The following UNC13B variants were observed in gnomAD, a reference collection of about 807,000 sequenced individuals.
UNC13B encodes the protein protein unc-13 homolog B.
UNC13B carries 144 observed loss-of-function variants against 211.0 expected under a neutral mutation model. That is an observed-to-expected ratio of 0.68 (90% CI 0.60 to 0.78). UNC13B has a LOEUF of 0.78. Ranked by LOEUF, UNC13B falls within the 30% of genes least tolerant of loss-of-function variation. The pLI, the probability that UNC13B is intolerant of heterozygous loss-of-function variation, is 0.00. For missense variants in UNC13B, 1,777 were observed against 2,002.0 expected (o/e 0.89, Z 2.14); for synonymous variants, 709 against 725.8 (o/e 0.98, Z 0.37).
chr9:35,200,946 C>T (rs1823247924), intron 1 of UNC13B, among the ~76,000 whole-genome samples: 2 of 152,160 alleles, frequency 1.3e-5, no homozygotes, highest in African/African-American at 4.8e-5. Context: ...AGTTTTTGCC[C>T]ATTCAGTATG....
chr9:35,256,443 G>A (rs988179166), intron 6 of UNC13B, among the ~76,000 whole-genome samples: 17 of 152,068 alleles, frequency 1.1e-4, no homozygotes, highest in African/African-American at 3.9e-4. Context: ...TGCTTTATAA[G>A]TTTTAAAGTA....
chr9:35,259,008 G>A lies in UNC13B; in HGVS notation c.484G>A (p.Glu162Lys). 6.2e-7 allele frequency: 1 copy of A among 1,613,764 alleles called. No individual in the cohort carries two copies. Among genetic ancestry groups the A allele is most frequent in the Non-Finnish European group, 8.5e-7 (1 of 1,179,880 alleles). Residue 162 changes from glutamate to lysine, a missense_variant, in exon 7 of 40, where the codon GAA becomes AAA. Glu to Lys is a moderately conservative substitution (Grantham distance 56). Coordinates refer to ENST00000635942, the MANE Select transcript of UNC13B (RefSeq NM_001371189.2). ...GADNEYSSQE[E>K]SQRKPLPTAA... ...CTGCTTCTAGTATTCTAGTCAAGAA[G>A]AAAGCCAGAGGAAGCCATTGCCCAC...
At chr9:35,371,319 ATCT>A (rs1156787088) in intron 13 of UNC13B, among the ~76,000 whole-genome samples, 1 of 144,652 alleles carries the variant, frequency 6.9e-6, no homozygotes, top group East Asian at 2.0e-4. Flanking sequence ...CCATTTGTTC[ATCT>A]TCTCCTTTCT....
At chr9:35,285,621 G>A (rs1828747360) in intron 7 of UNC13B, among the ~76,000 whole-genome samples, 1 of 152,106 alleles carries the variant, frequency 6.6e-6, no homozygotes, top group Admixed American at 6.5e-5. Context: ...GGAGGCTAGG[G>A]TAGGAGGATT....
Position 35,341,159 on chromosome 9 carries a change from T to G in UNC13B, c.9415-25788T>G, listed in dbSNP as rs374083318. Among the ~76,000 whole-genome samples the G allele has an allele frequency of 1.5e-4, 23 of 152,332 alleles. No homozygotes were observed. The East Asian group carries it at 4.2e-3, about 28-fold the overall frequency. On this transcript the variant is annotated intron_variant, in intron 11 of 39. Transcript: ENST00000635942. ...ATATCACTTTAGGTTACTTCGTTCC[T>G]AATTCTGGATTCTGAAACCATCTTT...
intron 6 of UNC13B, among the ~76,000 whole-genome samples, chr9:35,257,856 AC>A (rs1026409745): frequency 1.1e-4 from 17 of 152,106 alleles, no homozygotes; most frequent in African/African-American, 3.9e-4. Flanking sequence ...AACACCATCA[AC>A]TTTTGTCTGG....
chr9:35,222,732 A>G (rs1824631148), intron 1 of UNC13B, among the ~76,000 whole-genome samples: 1 of 152,234 alleles, frequency 6.6e-6, no homozygotes, highest in Non-Finnish European at 1.5e-5. Context: ...CTTTTCTTCT[A>G]GCTATTTTGA....
intron 22 of UNC13B, chr9:35,385,039 A>T (rs758879149): frequency 6.6e-5 from 65 of 985,330 alleles, no homozygotes; most frequent in Non-Finnish European, 7.5e-5. Flanking sequence ...TGGACAGCTG[A>T]CTGTATATCT....
intron 1 of UNC13B, among the ~76,000 whole-genome samples, chr9:35,198,462 T>G (rs2131366323): frequency 6.6e-6 from 1 of 152,364 alleles, no homozygotes; most frequent in South Asian, 2.1e-4. Context: ...AATTAAATAT[T>G]AAATCTCTTT....
At chr9:35,272,179 C>T (rs1207437835) in intron 7 of UNC13B, among the ~76,000 whole-genome samples, 3 of 148,154 alleles carry the variant, frequency 2.0e-5, no homozygotes, top group East Asian at 3.9e-4. Context: ...TACATATGTA[C>T]GTAGAAAAAC....
At chr9:35,376,876 A>G (rs1387538350) in intron 15 of UNC13B, among the ~76,000 whole-genome samples, 3 of 152,184 alleles carry the variant, frequency 2.0e-5, no homozygotes, top group Non-Finnish European at 4.4e-5. Context: ...GGTAGCGCTC[A>G]AAGTTCATAT....
intron 26 of UNC13B, among the ~76,000 whole-genome samples, chr9:35,392,697 A>G (rs1172852277): frequency 1.3e-5 from 2 of 151,956 alleles, no homozygotes; most frequent in African/African-American, 4.8e-5. Flanking sequence ...ATGCTAGATG[A>G]CAAGTTAGTG....
At chr9:35,332,143 G>A (rs1390351694) in intron 11 of UNC13B, among the ~76,000 whole-genome samples, 1 of 152,032 alleles carries the variant, frequency 6.6e-6, no homozygotes, top group African/African-American at 2.4e-5. Context: ...CACCACGTCT[G>A]GCTAATTTGT....
intron 1 of UNC13B, among the ~76,000 whole-genome samples, chr9:35,194,137 T>A (rs996377440): frequency 2.0e-5 from 3 of 151,882 alleles, no homozygotes; most frequent in African/African-American, 7.3e-5. Context: ...GGGCAGAGAG[T>A]GATGCTCACT....
chr9:35,342,258 C>T (rs1480433411), intron 11 of UNC13B: 1 of 985,762 alleles, frequency 1.0e-6, no homozygotes, highest in Non-Finnish European at 1.2e-6. Context: ...CTCTTAAAGA[C>T]AGCATTTGCC....
In UNC13B at chr9:35,252,450, G is replaced by A. The variant is rs539341629; in HGVS notation, c.469-6543G>A. On this transcript the variant is annotated intron_variant, in intron 6 of 39. Transcript: ENST00000635942. Reference sequence around the variant, plus strand: ...CTCCTGAGTAGCTGAGATTACAGGCGTGCACTACCATGCCTGGCTAATTTT... The same window carrying A: ...CTCCTGAGTAGCTGAGATTACAGGCATGCACTACCATGCCTGGCTAATTTT... 2.3e-3 allele frequency among the ~76,000 whole-genome samples: 345 copies of A among 151,938 alleles called. 1 individual carries two copies. The highest frequency in any genetic ancestry group is 3.4e-3 in the Non-Finnish European group (232 of 67,950).
At chr9:35,384,154 C>G in intron 21 of UNC13B, 92 bp from the exon 22 acceptor site, 1 of 1,566,006 alleles carries the variant, frequency 6.4e-7, no homozygotes, top group Non-Finnish European at 8.7e-7. Context: ...ACTCTTTCTA[C>G]TCATCCAGGG....
chr9:35,320,001 T>A (rs904962689), intron 11 of UNC13B, among the ~76,000 whole-genome samples: 29 of 152,192 alleles, frequency 1.9e-4, no homozygotes, highest in Non-Finnish European at 3.8e-4. Context: ...TATATGGTTT[T>A]CTGTTCCTGC....
intron 26 of UNC13B, among the ~76,000 whole-genome samples, chr9:35,395,104 G>A (rs1053314969): frequency 6.6e-5 from 10 of 152,042 alleles, no homozygotes; most frequent in Non-Finnish European, 8.8e-5. Context: ...GAGGAGAGGG[G>A]CTCTCTTTTG....
Sources: gnomAD v4.1 joint callset for allele counts (sites outside exome capture counted in the v4.1 genomes callset) on GRCh38, gnomAD v4.1.1 for gene constraint, MANE v1.5 for transcripts, NCBI Gene and HGNC (gene_info 2026-07-23, HGNC 2026-07-21) for gene names.